Variants in ZNF329 observed in about 807,000 individuals in gnomAD.
ZNF329 encodes zinc finger protein 329.
In ZNF329, 15 loss-of-function variants were observed where a neutral mutation model predicts 26.6. That is an observed-to-expected ratio of 0.56 (90% CI 0.38 to 0.87). The LOEUF (loss-of-function observed/expected upper bound fraction) is 0.87, where lower values mean the gene tolerates loss of function less well. Among genes scored for constraint, ZNF329 ranks in the 40% least tolerant of loss-of-function variants. The pLI, the probability that ZNF329 is intolerant of heterozygous loss-of-function variation, is 0.00. For missense variants in ZNF329, 651 were observed against 651.9 expected (o/e 1.00, Z 0.02); for synonymous variants, 239 against 233.5 (o/e 1.02, Z -0.21).
At chr19:58,146,303 G>A (rs541109557) in intron 1 of ZNF329, among the ~76,000 whole-genome samples, 9 of 152,134 alleles carry the variant, frequency 5.9e-5, no homozygotes, top group East Asian at 1.9e-4. Context: ...GCGGAACCCC[G>A]TCTCTACTAA....
At chr19:58,154,339 C>G (rs534675138), upstream of ZNF329, among the ~76,000 whole-genome samples, 1 of 152,316 alleles carries the variant, frequency 6.6e-6, no homozygotes, top group African/African-American at 2.4e-5. Context: ...CCTTTTGCTG[C>G]TGGCTCAACA....
Position 58,128,031 on chromosome 19 carries a change from G to T in ZNF329, c.1473C>A (p.Ser491=). The change falls in exon 4 of 4, where the codon TCC becomes TCA. Residue 491 remains serine (S), a synonymous_variant. Coordinates refer to ENST00000598312, the MANE Select transcript of ZNF329 (RefSeq NM_024620.4). ...TPYQCPECGK[S]FKQNSHLAVH... The stretch of plus-strand genomic sequence containing the variant: ...CTGCCAGGTGAGAGTTCTGCTTGAA[G>T]GACTTCCCACATTCTGGACACTGAT... 6.2e-7 allele frequency: 1 copy of T among 1,613,982 alleles called. No individual in the cohort carries two copies. Among genetic ancestry groups the T allele is most frequent in the South Asian group, 1.1e-5 (1 of 91,068 alleles).
At chr19:58,135,256 G>C (rs1465822594) in intron 3 of ZNF329, among the ~76,000 whole-genome samples, 1 of 151,938 alleles carries the variant, frequency 6.6e-6, no homozygotes. Context: ...CATAGTGGGA[G>C]GTTTTATTTT....
At position 58,126,577 on chromosome 19, in the gene ZNF329, T is replaced by C. The variant is rs1156996816; in HGVS notation, c.*1301A>G. 1 of 152,162 alleles carries C rather than the reference T, an allele frequency of 6.6e-6. No homozygotes were observed. Among genetic ancestry groups the C allele is most frequent in the Non-Finnish European group, 1.5e-5 (1 of 68,038 alleles). The allele number at this position is 152,162 out of a possible 1,614,324, so 9.4% of individuals were successfully genotyped here. A position where few individuals can be genotyped will look rare whatever the true frequency, so the allele number is the denominator to read the frequency against. ...GGGGTGATAACATAAACATAACAACTCAGTATTTTTGCTTCAACAACTAAA... is the reference window on the plus strand; with the variant it reads ...GGGGTGATAACATAAACATAACAACCCAGTATTTTTGCTTCAACAACTAAA... On this transcript the variant is annotated 3_prime_UTR_variant, in exon 4 of 4. Transcript: ENST00000598312.
chr19:58,140,779 A>G (rs1047122149), intron 3 of ZNF329, among the ~76,000 whole-genome samples: 1 of 151,518 alleles, frequency 6.6e-6, no homozygotes, highest in Admixed American at 6.6e-5. Context: ...AGGTGCAATC[A>G]AGGCTCAACA....
intron 3 of ZNF329, among the ~76,000 whole-genome samples, chr19:58,133,958 T>G (rs546376410): frequency 6.6e-6 from 1 of 151,990 alleles, no homozygotes; most frequent in East Asian, 1.9e-4. Flanking sequence ...GCCAATGAGG[T>G]GGGAATGGGG....
chr19:58,130,061 T>G (rs2074902604), intron 3 of ZNF329, among the ~76,000 whole-genome samples: 1 of 152,220 alleles, frequency 6.6e-6, no homozygotes, highest in Admixed American at 6.5e-5. Context: ...GGTTCACTCC[T>G]GTAATCCCAG....
In ZNF329 at chr19:58,145,864, A is replaced by T. The variant is rs368011723; in HGVS notation, c.-207-2666T>A. On this transcript the variant is annotated intron_variant, in intron 1 of 3. Transcript: ENST00000598312. ...ACATGCTTCCTGACACGACACACCA[A>T]GAAGAACATGATGTCACTTAGACAA... is the stretch of plus-strand genomic sequence containing the variant. Among the ~76,000 whole-genome samples, 98 of 152,240 alleles carry T rather than the reference A, an allele frequency of 6.4e-4. 1 individual carries two copies. The South Asian group carries it at 0.02, about 31-fold the overall frequency.
chr19:58,133,834 T>A (rs1179732300), intron 3 of ZNF329, among the ~76,000 whole-genome samples: 5 of 145,546 alleles, frequency 3.4e-5, no homozygotes, highest in African/African-American at 1.3e-4. Flanking sequence ...TGTCATCTCT[T>A]AAAAAAAAAA....
intron 3 of ZNF329, among the ~76,000 whole-genome samples, chr19:58,136,303 CAT>C (rs886106114): frequency 4.0e-5 from 6 of 151,426 alleles, no homozygotes; most frequent in Admixed American, 1.3e-4. Context: ...CATCTCAAAA[CAT>C]GTGGCAAATG....
chr19:58,133,243 G>GA (rs1246988479), intron 3 of ZNF329, among the ~76,000 whole-genome samples: 1 of 152,128 alleles, frequency 6.6e-6, no homozygotes, highest in African/African-American at 2.4e-5. Context: ...AGCACTGAAG[G>GA]AAAAAATCTA....
chr19:58,146,689 T>C (rs933075301), intron 1 of ZNF329, among the ~76,000 whole-genome samples: 10 of 149,694 alleles, frequency 6.7e-5, no homozygotes, highest in African/African-American at 2.4e-4. Flanking sequence ...TGCCTGCAAT[T>C]GCAGGCACGC....
intron 1 of ZNF329, among the ~76,000 whole-genome samples, chr19:58,144,781 A>G (rs947721301): frequency 3.9e-4 from 59 of 149,474 alleles, no homozygotes; most frequent in Non-Finnish European, 7.4e-4. Context: ...GGCTCACTGT[A>G]ATCTTGAATG....
At chr19:58,151,570 CA>C (rs1416923554), upstream of ZNF329, among the ~76,000 whole-genome samples, 8 of 142,300 alleles carry the variant, frequency 5.6e-5, no homozygotes, top group Non-Finnish European at 9.0e-5. Context: ...CATCACACTC[CA>C]GCCTGGGGGA....
chr19:58,153,659 GGA>G, upstream of ZNF329, among the ~76,000 whole-genome samples: 1 of 152,288 alleles, frequency 6.6e-6, no homozygotes, highest in East Asian at 1.9e-4. Flanking sequence ...TCTTGGGGTA[GGA>G]GACTTTCTAC....
intron 1 of ZNF329, among the ~76,000 whole-genome samples, chr19:58,146,554 C>T (rs923042978): frequency 7.1e-6 from 1 of 141,740 alleles, no homozygotes; most frequent in African/African-American, 3.1e-5. Context: ...TCCCTCTCCC[C>T]ACGGTCTCCC....
chr19:58,128,644 T>A lies in ZNF329; in HGVS notation c.860A>T (p.Tyr287Phe). 6.2e-7 allele frequency: 1 copy of A among 1,605,124 alleles called. No homozygotes were observed. Among genetic ancestry groups the A allele is most frequent in the Non-Finnish European group, 8.5e-7 (1 of 1,175,606 alleles). ...GGTTTTTCCACACTCTAGGCATTCA[T>A]AAGGTTTCTCGCCTGTGTGAATTCT... ...HQRIHTGEKP[Y>F]ECLECGKTFN... Residue 287 changes from tyrosine to phenylalanine, a missense_variant, in exon 4 of 4, where the codon TAT becomes TTT. By Grantham distance (22) the Tyr-to-Phe change is conservative. Coordinates refer to ENST00000598312, the MANE Select transcript of ZNF329 (RefSeq NM_024620.4).
At chr19:58,134,214 C>G (rs549519944) in intron 3 of ZNF329, among the ~76,000 whole-genome samples, 1 of 152,268 alleles carries the variant, frequency 6.6e-6, no homozygotes, top group Non-Finnish European at 1.5e-5. Context: ...CTATAATGCA[C>G]AGGATGGACT....
upstream of ZNF329, among the ~76,000 whole-genome samples, chr19:58,152,302 G>C (rs79484236): frequency 9.1e-3 from 1,379 of 151,756 alleles, 47 homozygotes; most frequent in Admixed American, 0.059. Flanking sequence ...AGCCGGGCTG[G>C]GGGGATCACC....
Sources: allele counts gnomAD v4.1 joint callset (sites outside exome capture counted in the v4.1 genomes callset), GRCh38; gene constraint gnomAD v4.1.1; transcripts MANE v1.5; gene names NCBI Gene and HGNC (gene_info 2026-07-23, HGNC 2026-07-21).